IL1R1: variants seen among roughly 807,000 people sequenced by gnomAD.
IL1R1 encodes the protein interleukin 1 receptor type 1.
A neutral mutation model predicts 50.2 loss-of-function variants in IL1R1; 22 were observed. The observed-to-expected ratio is 0.44, with a 90% CI of 0.31 to 0.63. IL1R1 has a LOEUF of 0.63. IL1R1 is among the 20% of genes least tolerant of loss of function. IL1R1 has a pLI of 0.07. For missense variants in IL1R1, 509 were observed against 676.2 expected (o/e 0.75, Z 2.74); for synonymous variants, 251 against 236.7 (o/e 1.06, Z -0.55).
intron 1 of IL1R1, among the ~76,000 whole-genome samples, chr2:102,145,081 AG>A (rs1286449729): frequency 6.6e-6 from 1 of 152,224 alleles, no homozygotes; most frequent in African/African-American, 2.4e-5. Flanking sequence ...AAACTACCAT[AG>A]CATAGTGGGT....
rs1411021604 is a variant in IL1R1 at position 102,174,640 on chromosome 2, A to G, written c.1045A>G (p.Ile349Val). Residue 349 changes from isoleucine to valine, a missense_variant, in exon 10 of 12, where the codon ATT becomes GTT. Physicochemically the swap from Ile to Val is conservative, Grantham distance 29. Coordinates refer to ENST00000410023, the MANE Select transcript of IL1R1 (RefSeq NM_000877.4). ...IGICVTLTVI[I>V]VCSVFIYKIF... ...TATATGTGTCACGTTGACAGTCATAATTGTGTGTTCTGTTTTCATCTATAA... is the reference window on the plus strand; with the variant it reads ...TATATGTGTCACGTTGACAGTCATAGTTGTGTGTTCTGTTTTCATCTATAA... The G allele has an allele frequency of 6.2e-7, 1 of 1,611,888 alleles. No homozygotes were observed.
At chr2:102,116,803 C>T (rs895777899) in intron 1 of IL1R1, among the ~76,000 whole-genome samples, 7 of 152,162 alleles carry the variant, frequency 4.6e-5, no homozygotes, top group East Asian at 3.9e-4. Context: ...GGTGAAATCA[C>T]GTTAGCACTT....
At chr2:102,099,409 A>G (rs1250672946) in intron 1 of IL1R1, among the ~76,000 whole-genome samples, 1 of 152,124 alleles carries the variant, frequency 6.6e-6, no homozygotes, top group Non-Finnish European at 1.5e-5. Flanking sequence ...TGCTTAATCT[A>G]TTGTTATGAA....
At chr2:102,089,890 G>A (rs1422663218) in intron 1 of IL1R1, among the ~76,000 whole-genome samples, 2 of 149,456 alleles carry the variant, frequency 1.3e-5, no homozygotes, top group East Asian at 2.0e-4. Context: ...CTGGAGTGCA[G>A]TGGTACGATC....
Position 102,178,850 on chromosome 2 carries a change from A to C in IL1R1, c.*2091A>C, listed in dbSNP as rs889025000. 1.3e-5 allele frequency: 2 copies of C among 152,374 alleles called. No homozygotes were observed. Among genetic ancestry groups the C allele is most frequent in the Admixed American group, 6.5e-5 (1 of 15,290 alleles). 9.4% of individuals were successfully genotyped at this position (152,374 alleles called of 1,614,324 possible). On this transcript the variant is annotated 3_prime_UTR_variant, in exon 12 of 12. Transcript: ENST00000410023. ...ATTGCAGGACACAAGCACAGTTTTA[A>C]GAGTTGTATGAACATGGAGAGGACT...
At chr2:102,133,350 CA>C (rs1401476203) in intron 1 of IL1R1, among the ~76,000 whole-genome samples, 1 of 151,906 alleles carries the variant, frequency 6.6e-6, no homozygotes, top group Non-Finnish European at 1.5e-5. Flanking sequence ...TAATTCTACT[CA>C]AACTCTTCCA....
At chr2:102,097,929 C>T (rs1679975225) in intron 1 of IL1R1, among the ~76,000 whole-genome samples, 1 of 151,922 alleles carries the variant, frequency 6.6e-6, no homozygotes, top group African/African-American at 2.4e-5. Context: ...TTATATGAAG[C>T]TGGAATACCA....
rs750204014 is a variant in IL1R1, at chr2:102,176,778, AG to A, written c.*20del. 5.2e-5 allele frequency: 84 copies of A among 1,609,764 alleles called. No individual in the cohort carries two copies. In the African/African-American group the frequency reaches 8.5e-4, roughly 16 times the overall value. The stretch of plus-strand genomic sequence containing the variant: ...CGGGTAGCATGGAGAAGTTGCCAAG[AG>A]TTCTTTAGGTGCCTCCTGTCTTATG... On this transcript the variant is annotated 3_prime_UTR_variant, in exon 12 of 12. Transcript: ENST00000410023.
chr2:102,081,148 C>T (rs1315208553), intron 1 of IL1R1, among the ~76,000 whole-genome samples: 1 of 152,052 alleles, frequency 6.6e-6, no homozygotes, highest in Non-Finnish European at 1.5e-5. Context: ...GATGGGTGCG[C>T]AACTCTATGA....
At chr2:102,071,468 G>A (rs1313558549) in intron 1 of IL1R1, among the ~76,000 whole-genome samples, 1 of 152,162 alleles carries the variant, frequency 6.6e-6, no homozygotes, top group Non-Finnish European at 1.5e-5. Flanking sequence ...GCATTTTATT[G>A]TAAGATTGTG....
chr2:102,086,022 G>C (rs954469770), intron 1 of IL1R1, among the ~76,000 whole-genome samples: 4 of 152,046 alleles, frequency 2.6e-5, no homozygotes, highest in African/African-American at 9.7e-5. Context: ...AGTAATTTTT[G>C]AAACATTTCA....
chr2:102,078,711 A>G lies in IL1R1; in HGVS notation c.-84+8178A>G, dbSNP rs137907224. Among the ~76,000 whole-genome samples the G allele has an allele frequency of 5.5e-3, 838 of 152,250 alleles. 7 individuals carry two copies. The highest frequency in any genetic ancestry group is 0.014 in the Middle Eastern group (4 of 294). ...TTCAGAAAACTATTTCAAAAAGTTG[A>G]AAAGGAAGGGACACTTGCGAATTCA... On this transcript the variant is annotated intron_variant, in intron 1 of 11. Transcript: ENST00000409929.
intron 1 of IL1R1, among the ~76,000 whole-genome samples, chr2:102,087,697 G>A (rs1358715316): frequency 6.6e-6 from 1 of 152,136 alleles, no homozygotes; most frequent in Non-Finnish European, 1.5e-5. Context: ...TGTAAGACGT[G>A]CCTTGCTTCC....
intron 1 of IL1R1, among the ~76,000 whole-genome samples, chr2:102,130,534 G>A (rs1442418907): frequency 1.3e-5 from 2 of 152,080 alleles, no homozygotes; most frequent in African/African-American, 4.8e-5. Flanking sequence ...CCAGGCTGGT[G>A]CCTCTTAACT....
At chr2:102,073,275 A>T (rs1489905526) in intron 1 of IL1R1, among the ~76,000 whole-genome samples, 1 of 152,170 alleles carries the variant, frequency 6.6e-6, no homozygotes, top group Non-Finnish European at 1.5e-5. Flanking sequence ...CAAGGTTCTT[A>T]TTCTCATGTA....
At chr2:102,124,976 G>C (rs895185486) in intron 1 of IL1R1, among the ~76,000 whole-genome samples, 2 of 152,100 alleles carry the variant, frequency 1.3e-5, no homozygotes, top group Non-Finnish European at 1.5e-5. Flanking sequence ...ACAGCATGGG[G>C]GAACCACCGC....
chr2:102,150,685 G>T (rs1286013493), intron 1 of IL1R1, among the ~76,000 whole-genome samples: 2 of 152,182 alleles, frequency 1.3e-5, no homozygotes, highest in African/African-American at 4.8e-5. Context: ...GTGCTGCAGT[G>T]AATGGACAAG....
chr2:102,090,971 T>C (rs1017999615), intron 1 of IL1R1, among the ~76,000 whole-genome samples: 1 of 152,128 alleles, frequency 6.6e-6, no homozygotes, highest in Admixed American at 6.6e-5. Flanking sequence ...GAGGTATTGG[T>C]AAACTCAGTC....
At chr2:102,156,457 C>A (rs756416964) in intron 2 of IL1R1, among the ~76,000 whole-genome samples, 7 of 150,636 alleles carry the variant, frequency 4.6e-5, no homozygotes, top group Admixed American at 4.0e-4. Flanking sequence ...GTTAGAAAAT[C>A]TTTTTTTTTC....
Sources: gnomAD v4.1 joint callset for allele counts (sites outside exome capture counted in the v4.1 genomes callset) on GRCh38, gnomAD v4.1.1 for gene constraint, MANE v1.5 for transcripts, NCBI Gene and HGNC (gene_info 2026-07-23, HGNC 2026-07-21) for gene names.